Variants in ROBO2 observed in about 807,000 individuals in gnomAD.
The protein encoded by ROBO2 is roundabout guidance receptor 2.
Under a neutral mutation model 160.8 loss-of-function variants are expected in ROBO2, and 53 were observed. That is an observed-to-expected ratio of 0.33 (90% confidence interval 0.26 to 0.41). The LOEUF (loss-of-function observed/expected upper bound fraction) is 0.41, where lower values mean the gene tolerates loss of function less well. ROBO2 is among the 10% of genes least tolerant of loss of function. The pLI, the probability that ROBO2 is intolerant of heterozygous loss-of-function variation, is 1.00. For missense variants in ROBO2, 1,577 were observed against 1,722.4 expected, an observed-to-expected ratio of 0.92 and a Z score of 1.49; for synonymous variants, 664 against 611.7, an observed-to-expected ratio of 1.09 and a Z score of -1.26.
intron 2 of ROBO2, among the ~76,000 whole-genome samples, chr3:76,696,644 T>A (rs75395708): frequency 5.3e-4 from 81 of 152,328 alleles, no homozygotes; most frequent in Admixed American, 1.4e-3. Context: ...TCTACTATGA[T>A]ACGAAGTGAC....
intron 23 of ROBO2, chr3:77,631,561 A>G (rs2095164022): frequency 6.6e-6 from 1 of 152,160 alleles, no homozygotes; most frequent in African/African-American, 2.4e-5. Flanking sequence ...AAATCTTGTA[A>G]TATTAATTTT....
chr3:76,629,781 G>C (rs570044081), intron 2 of ROBO2, among the ~76,000 whole-genome samples: 2 of 152,148 alleles, frequency 1.3e-5, no homozygotes, highest in African/African-American at 4.8e-5. Context: ...CATCTTTAGA[G>C]AATAAATGTA....
intron 2 of ROBO2, among the ~76,000 whole-genome samples, chr3:76,366,112 G>T (rs540725054): frequency 9.4e-4 from 143 of 152,068 alleles, no homozygotes; most frequent in Middle Eastern, 3.4e-3. Context: ...GAATGTCATT[G>T]TTCCTTACTA....
chr3:76,990,627 TG>T (rs2060612408), intron 2 of ROBO2, among the ~76,000 whole-genome samples: 4 of 152,230 alleles, frequency 2.6e-5, no homozygotes, highest in African/African-American at 9.6e-5. Flanking sequence ...CATCAGGTGA[TG>T]GTCATGCAGT....
chr3:76,518,662 G>A (rs1463923917), intron 2 of ROBO2, among the ~76,000 whole-genome samples: 3 of 152,084 alleles, frequency 2.0e-5, no homozygotes, highest in African/African-American at 4.8e-5. Context: ...TATAGCTATG[G>A]CAGTAGTTCA....
At chr3:77,442,248 T>C (rs369587692) in intron 2 of ROBO2, among the ~76,000 whole-genome samples, 3 of 151,204 alleles carry the variant, frequency 2.0e-5, no homozygotes, top group South Asian at 4.2e-4. Context: ...GGAGGCAGAG[T>C]TTGCAGTGAG....
intron 2 of ROBO2, among the ~76,000 whole-genome samples, chr3:76,461,246 A>G (rs751707438): frequency 3.9e-5 from 6 of 152,122 alleles, no homozygotes; most frequent in African/African-American, 1.4e-4. Context: ...ACATACTTTT[A>G]AACAGTCAGA....
At chr3:77,541,508 A>G (rs2092459344) in intron 6 of ROBO2, among the ~76,000 whole-genome samples, 2 of 152,208 alleles carry the variant, frequency 1.3e-5, no homozygotes, top group Admixed American at 1.3e-4. Flanking sequence ...TAAATTCTCA[A>G]AACACAGTTT....
chr3:76,569,847 AG>A (rs1459588095), intron 2 of ROBO2, among the ~76,000 whole-genome samples: 1 of 152,198 alleles, frequency 6.6e-6, no homozygotes, highest in African/African-American at 2.4e-5. Context: ...ATAAGCAGCC[AG>A]GTGCAGTGGC....
chr3:76,043,618 T>A (rs1576610045), intron 2 of ROBO2, among the ~76,000 whole-genome samples: 1 of 16,276 alleles, frequency 6.1e-5, no homozygotes, highest in African/African-American at 2.4e-4. Context: ...TTCTTCATCG[T>A]CCAAAAAAAA....
chr3:77,425,166 T>C (rs1040473618), intron 2 of ROBO2, among the ~76,000 whole-genome samples: 1 of 148,984 alleles, frequency 6.7e-6, no homozygotes, highest in African/African-American at 2.5e-5. Context: ...TGCCCAGCAG[T>C]GTGCTAGTTG....
chr3:77,237,361 A>T lies in ROBO2; in HGVS notation c.388+139021A>T, dbSNP rs1296290735. On this transcript the variant is annotated intron_variant, in intron 2 of 25. Coordinates refer to ENST00000461745, the Ensembl canonical transcript of ROBO2. Reference sequence around the variant, plus strand: ...GACCATACTGTACGCCACCATACCTAGCTTTTCTTTTCTTTTTTTTTCTTT... The same window carrying T: ...GACCATACTGTACGCCACCATACCTTGCTTTTCTTTTCTTTTTTTTTCTTT... Among the ~76,000 whole-genome samples the T allele has an allele frequency of 3.4e-5, 5 of 146,494 alleles. No individual in the cohort carries two copies. The East Asian group carries it at 1.0e-3, about 29-fold the overall frequency.
intron 2 of ROBO2, among the ~76,000 whole-genome samples, chr3:77,379,426 A>G (rs971709776): frequency 7.2e-5 from 11 of 152,162 alleles, no homozygotes; most frequent in Admixed American, 6.5e-4. Context: ...CTGTGAATGT[A>G]TTCTGGTTCG....
At chr3:76,477,468 CA>C (rs1398333818) in intron 2 of ROBO2, among the ~76,000 whole-genome samples, 1 of 151,970 alleles carries the variant, frequency 6.6e-6, no homozygotes, top group African/African-American at 2.4e-5. Flanking sequence ...ACAAGTTTTA[CA>C]ACAAAATACA....
intron 2 of ROBO2, among the ~76,000 whole-genome samples, chr3:75,963,579 G>T (rs1270438063): frequency 6.6e-6 from 1 of 151,798 alleles, no homozygotes; most frequent in Non-Finnish European, 1.5e-5. Flanking sequence ...TGCTAACGTA[G>T]TTGGGTGCTG....
At chr3:76,037,070 A>G (rs1416055514) in intron 2 of ROBO2, among the ~76,000 whole-genome samples, 2 of 151,816 alleles carry the variant, frequency 1.3e-5, no homozygotes, top group Non-Finnish European at 2.9e-5. Context: ...GCCCTTAAGT[A>G]CTATATGCTC....
chr3:77,578,839 A>C (rs1013716132), intron 15 of ROBO2, among the ~76,000 whole-genome samples: 1 of 152,060 alleles, frequency 6.6e-6, no homozygotes, highest in Admixed American at 6.6e-5. Flanking sequence ...TTGGCACTAA[A>C]TATCCTAAAT....
At chr3:76,134,918 C>T (rs1245406162) in intron 2 of ROBO2, among the ~76,000 whole-genome samples, 1 of 152,002 alleles carries the variant, frequency 6.6e-6, no homozygotes, top group Non-Finnish European at 1.5e-5. Context: ...TTGACCCAAG[C>T]ATATGTTTCA....
rs553728266 is a variant in ROBO2 at position 77,528,328 on chromosome 3, A to G, written c.934+5426A>G. Among the ~76,000 whole-genome samples, 4 of 151,712 alleles carry G rather than the reference A, an allele frequency of 2.6e-5. No homozygotes were observed. In the South Asian group the frequency reaches 8.3e-4, roughly 31 times the overall value. On this transcript the variant is annotated intron_variant, in intron 6 of 25. Transcript: ENST00000461745. The stretch of plus-strand genomic sequence containing the variant: ...TTTAATAACAACTTATTCAATTTTG[A>G]GGGCTTTATAAATTGTCCATCTAGC...
Sources: gnomAD v4.1 joint callset for allele counts (sites outside exome capture counted in the v4.1 genomes callset) on GRCh38, gnomAD v4.1.1 for gene constraint, MANE v1.5 for transcripts, NCBI Gene and HGNC (gene_info 2026-07-23, HGNC 2026-07-21) for gene names.